ADGRA3: variants seen among roughly 807,000 people sequenced by gnomAD.
ADGRA3 encodes G-protein coupled receptor 125.
Under a neutral mutation model 119.8 loss-of-function variants are expected in ADGRA3, and 56 were observed. The ratio of observed to expected loss-of-function variants is 0.47; its 90% CI spans 0.38 to 0.58. The LOEUF is 0.58. Ranked by LOEUF, ADGRA3 falls within the 20% of genes least tolerant of loss-of-function variation. The pLI is 0.00. For missense variants in ADGRA3, 1,516 were observed against 1,649.0 expected, an observed-to-expected ratio of 0.92 and a Z score of 1.40; for synonymous variants, 607 against 623.8, an observed-to-expected ratio of 0.97 and a Z score of 0.40.
intron 8 of ADGRA3, 63 bp downstream of exon 8, chr4:22,438,193 T>C: frequency 7.1e-7 from 1 of 1,409,844 alleles, no homozygotes; most frequent in East Asian, 2.3e-5. Flanking sequence ...CAATAATGTG[T>C]CTTAGACAAC....
chr4:22,392,267 T>C (rs1329670972), intron 17 of ADGRA3, among the ~76,000 whole-genome samples: 1 of 152,194 alleles, frequency 6.6e-6, no homozygotes, highest in African/African-American at 2.4e-5. Flanking sequence ...CAATCCCCTC[T>C]TAAGTGCTTT....
At chr4:22,455,592 C>T (rs1480818268) in intron 3 of ADGRA3, among the ~76,000 whole-genome samples, 1 of 151,984 alleles carries the variant, frequency 6.6e-6, no homozygotes, top group Non-Finnish European at 1.5e-5. Context: ...TAAATATTAC[C>T]TTCTAAATAT....
Position 22,420,931 on chromosome 4 carries a change from G to A in ADGRA3, c.1764C>T (p.Ser588=). Residue 588 remains serine (S), a synonymous_variant, in exon 12 of 19, where the codon AGC becomes AGT. Coordinates refer to ENST00000334304, the MANE Select transcript of ADGRA3 (RefSeq NM_145290.4). ...DPEGNLDKQL[S]FKCNVSNTFS... ...ATGTATTTGAAACATTGCACTTAAA[G>A]CTCAGCTGCTTATCCAGGTTTCCCT... 6.2e-7 allele frequency: 1 copy of A among 1,614,020 alleles called. No homozygotes were observed. The highest frequency in any genetic ancestry group is 8.5e-7 in the Non-Finnish European group (1 of 1,179,966).
intron 1 of ADGRA3, among the ~76,000 whole-genome samples, chr4:22,510,603 G>A (rs1433780503): frequency 2.0e-5 from 3 of 151,984 alleles, no homozygotes; most frequent in African/African-American, 7.3e-5. Flanking sequence ...CGGGCCGATG[G>A]TTCCAAAAGC....
chr4:22,472,341 T>C (rs1043974288), intron 2 of ADGRA3, among the ~76,000 whole-genome samples: 14 of 152,270 alleles, frequency 9.2e-5, no homozygotes, highest in African/African-American at 3.4e-4. Flanking sequence ...TTCCTGATAG[T>C]CCCAAATGTC....
intron 16 of ADGRA3, chr4:22,398,096 T>C (rs1280244515): frequency 1.0e-6 from 1 of 985,280 alleles, no homozygotes; most frequent in Non-Finnish European, 1.2e-6. Context: ...ACCCATCATC[T>C]GACTTCTTGT....
At chr4:22,484,605 CAAAA>C (rs200272320) in intron 1 of ADGRA3, among the ~76,000 whole-genome samples, 2 of 98,874 alleles carry the variant, frequency 2.0e-5, no homozygotes, top group Non-Finnish European at 2.1e-5. Flanking sequence ...ACCCTGTTTC[CAAAA>C]AAAAAAAAAA....
At chr4:22,434,766 G>A (rs1716326128) in intron 10 of ADGRA3, among the ~76,000 whole-genome samples, 1 of 152,106 alleles carries the variant, frequency 6.6e-6, no homozygotes, top group Non-Finnish European at 1.5e-5. Context: ...AGCATATCAT[G>A]GTTTCAATGT....
intron 2 of ADGRA3, among the ~76,000 whole-genome samples, chr4:22,471,349 A>G (rs1317311979): frequency 2.0e-5 from 3 of 152,200 alleles, no homozygotes; most frequent in African/African-American, 7.2e-5. Context: ...AGCAGAATAG[A>G]TAACTTTTGG....
intron 14 of ADGRA3, among the ~76,000 whole-genome samples, chr4:22,407,926 G>C (rs905206316): frequency 2.0e-5 from 3 of 152,104 alleles, no homozygotes; most frequent in Non-Finnish European, 4.4e-5. Context: ...CAATGGAAAG[G>C]AATCCAAAGA....
At position 22,389,071 on chromosome 4, in the gene ADGRA3, G is replaced by C; in HGVS notation, c.2723+17C>G. On this transcript the variant is annotated intron_variant, in intron 18 of 18. Transcript: ENST00000334304. ...GAAACAACTGGGTCAAGTACACAGAGAATATAAAATACTCACTAGGGTGCG... is the reference window on the plus strand; with the variant it reads ...GAAACAACTGGGTCAAGTACACAGACAATATAAAATACTCACTAGGGTGCG... 3 of 1,609,602 alleles carry C rather than the reference G, an allele frequency of 1.9e-6. No individual in the cohort carries two copies. The highest frequency in any genetic ancestry group is 1.7e-6 in the Non-Finnish European group (2 of 1,176,422).
chr4:22,504,960 G>C (rs142220116), intron 1 of ADGRA3, among the ~76,000 whole-genome samples: 1 of 152,212 alleles, frequency 6.6e-6, no homozygotes, highest in East Asian at 1.9e-4. Flanking sequence ...CAAACGCAAG[G>C]TTGAAAACCT....
rs746707306 is a variant in ADGRA3 at position 22,461,769 on chromosome 4, A to T, written c.369T>A (p.Gly123=). The T allele has an allele frequency of 6.8e-6, 11 of 1,609,406 alleles. No homozygotes were observed. The African/African-American group carries it at 1.3e-4, about 20-fold the overall frequency. ...TTAGAGATGACAGTCCCCAGAAGGCACCTGGATCTATACTACTAATAAGAT... is the reference window on the plus strand; with the variant it reads ...TTAGAGATGACAGTCCCCAGAAGGCTCCTGGATCTATACTACTAATAAGAT... The part of the protein sequence containing the change: ...RNNLISSIDP[G]AFWGLSSLKR... Residue 123 remains glycine (G), a synonymous_variant, in exon 3 of 19, where the codon GGT becomes GGA. Transcript: ENST00000334304.
At chr4:22,390,336 ATAAAATACATAT>A (rs1485621373) in intron 17 of ADGRA3, among the ~76,000 whole-genome samples, 1,161 of 113,982 alleles carry the variant, frequency 0.01, 65 homozygotes, top group African/African-American at 0.038. Flanking sequence ...ATATATATAT[ATAAAATACATAT>A]TATATATATA....
In ADGRA3 at chr4:22,476,449, T is replaced by C. The variant is rs147393341; in HGVS notation, c.258-2606A>G. Among the ~76,000 whole-genome samples the C allele has an allele frequency of 2.0e-3, 307 of 152,320 alleles. 1 individual carries two copies. The highest frequency in any genetic ancestry group is 6.8e-3 in the African/African-American group (284 of 41,590). ...AATACATCCAAACAACAAAATTGTATGCCTCCAATAAAAATGATTCTTTCA... is the reference window on the plus strand; with the variant it reads ...AATACATCCAAACAACAAAATTGTACGCCTCCAATAAAAATGATTCTTTCA... On this transcript the variant is annotated intron_variant, in intron 1 of 18. Transcript: ENST00000334304.
chr4:22,490,054 A>G (rs1718568961), intron 1 of ADGRA3, among the ~76,000 whole-genome samples: 1 of 152,242 alleles, frequency 6.6e-6, no homozygotes, highest in Non-Finnish European at 1.5e-5. Context: ...GACATTTTAA[A>G]AAATAAAGGA....
intron 1 of ADGRA3, among the ~76,000 whole-genome samples, chr4:22,498,717 C>G (rs949959275): frequency 1.3e-5 from 2 of 152,006 alleles, no homozygotes; most frequent in Non-Finnish European, 2.9e-5. Context: ...AGTTTGAGAC[C>G]AGCCTGACCA....
At chr4:22,477,583 C>T (rs1718093108) in intron 1 of ADGRA3, 1 of 152,096 alleles carries the variant, frequency 6.6e-6, no homozygotes, top group Non-Finnish European at 1.5e-5. Context: ...ACATGAGTAG[C>T]TTATAAAACA....
chr4:22,455,017 G>T, intron 3 of ADGRA3, 80 bp from the exon 4 acceptor site: 2 of 930,136 alleles, frequency 2.2e-6, no homozygotes, highest in Non-Finnish European at 1.8e-6. Flanking sequence ...TTCAAGAACA[G>T]CACCCAGGTA....
Sources: allele counts gnomAD v4.1 joint callset (sites outside exome capture counted in the v4.1 genomes callset), GRCh38; gene constraint gnomAD v4.1.1; transcripts MANE v1.5; gene names NCBI Gene and HGNC (gene_info 2026-07-23, HGNC 2026-07-21).